MYH3: variants seen among roughly 807,000 people sequenced by gnomAD.
The protein encoded by MYH3 is myosin heavy chain 3, also known as myosin-3.
In MYH3, 130 loss-of-function variants were observed where a neutral mutation model predicts 238.0. The ratio of observed to expected loss-of-function variants is 0.55; its 90% CI spans 0.47 to 0.63. The LOEUF (loss-of-function observed/expected upper bound fraction) is 0.63, where lower values mean the gene tolerates loss of function less well. MYH3 is among the 30% of genes least tolerant of loss of function. The pLI is 0.00. For missense variants in MYH3, 1,853 were observed against 2,374.9 expected, an observed-to-expected ratio of 0.78 and a Z score of 4.57; for synonymous variants, 880 against 924.1, an observed-to-expected ratio of 0.95 and a Z score of 0.86.
chr17:10,640,623 A>G lies in MYH3; in HGVS notation c.2229T>C (p.Cys743=). 1.2e-6 allele frequency: 2 copies of G among 1,614,242 alleles called. No homozygotes were observed. The highest frequency in any genetic ancestry group is 8.5e-7 in the Non-Finnish European group (1 of 1,180,036). The change falls in exon 20 of 41, where the codon TGT becomes TGC. Residue 743 remains cysteine, a synonymous_variant. Transcript: ENST00000583535. ...TATCAATGGATGCCAGAAGCTTTTC[A>G]CAGGCTTTCTTGCTGTCAATGAATT... is the stretch of plus-strand genomic sequence containing the variant. The part of the protein sequence containing the change: ...EGQFIDSKKA[C]EKLLASIDID...
the MYH3 span, among the ~76,000 whole-genome samples, chr17:10,663,274 T>C: frequency 6.6e-6 from 1 of 152,092 alleles, no homozygotes; most frequent in African/African-American, 2.4e-5. Context: ...TTCCTCCAAA[T>C]GAACTGTATG....
At chr17:10,664,061 TTAAAA>T in the MYH3 span, among the ~76,000 whole-genome samples, 93 of 115,052 alleles carry the variant, frequency 8.1e-4, 3 homozygotes, top group Middle Eastern at 4.8e-3. Context: ...AGACTCCGTC[TTAAAA>T]AAAAAAAAAA....
chr17:10,654,750 C>T lies in MYH3; in HGVS notation c.204+111G>A. 1 of 1,005,550 alleles carries T rather than the reference C, an allele frequency of 9.9e-7. No homozygotes were observed. Among genetic ancestry groups the T allele is most frequent in the Non-Finnish European group, 1.6e-6 (1 of 625,874 alleles). The allele number at this position is 1,005,550 out of a possible 1,614,324, so 62.3% of individuals were successfully genotyped here. A position where few individuals can be genotyped will look rare whatever the true frequency, so the allele number is the denominator to read the frequency against. On this transcript the variant is annotated intron_variant, in intron 3 of 40. Coordinates refer to ENST00000583535, the MANE Select transcript of MYH3 (RefSeq NM_002470.4). This position sits in a 1 kb window ranked among gnomAD's most constrained non-coding sequence, Gnocchi z 4.5. ...CCCAGGCTACATTGTATGCGGCATT[C>T]CAGTGCTGGAACCACATCTGGAAGT... is the stretch of plus-strand genomic sequence containing the variant.
Position 10,628,938 on chromosome 17 carries a change from G to A in MYH3, c.5797-259C>T, listed in dbSNP as rs113330726. Among the ~76,000 whole-genome samples the A allele has an allele frequency of 0.013, 1,997 of 152,312 alleles. 13 individuals are homozygous for A. Among genetic ancestry groups the A allele is most frequent in the Non-Finnish European group, 0.02 (1,390 of 68,024 alleles). ...GCTGTGTGTTCAGCGGGCTCTGGAG[G>A]GGGCTCCTGCAGCAGCCTTTTGTTA... On this transcript the variant is annotated intron_variant, in intron 40 of 40. Transcript: ENST00000583535.
intron 8 of MYH3, among the ~76,000 whole-genome samples, chr17:10,647,719 A>T (rs1009995564): frequency 3.3e-5 from 5 of 151,974 alleles, no homozygotes; most frequent in African/African-American, 1.2e-4. Context: ...TAATTTCTGT[A>T]TTTTTAATAG....
chr17:10,642,517 C>T lies in MYH3; in HGVS notation c.1788G>A (p.Glu596=), dbSNP rs1396069774. The T allele has an allele frequency of 1.9e-5, 31 of 1,614,098 alleles. No homozygotes were observed. The highest frequency in any genetic ancestry group is 9.3e-5 in the African/African-American group (7 of 74,928). The change falls in exon 16 of 41, where the codon GAG becomes GAA. Residue 596 remains glutamate (E), a synonymous_variant. Transcript: ENST00000583535. This position sits in a 1 kb window ranked among gnomAD's most constrained non-coding sequence, Gnocchi z 5.4. The part of the protein sequence containing the change: ...TVDYSVSGWL[E]KNKDPLNETV... The stretch of plus-strand genomic sequence containing the variant: ...TCTCGTTCAGAGGGTCCTTGTTCTT[C>T]TCCAGCCAACCTGAGACACTGTAGT...
rs749192578 is a variant in MYH3, at chr17:10,634,178, A to G, written c.4361T>C (p.Leu1454Ser). 1 of 1,614,184 alleles carries G rather than the reference A, an allele frequency of 6.2e-7. No homozygotes were observed. The highest frequency in any genetic ancestry group is 8.5e-7 in the Non-Finnish European group (1 of 1,180,028). Residue 1454 changes from leucine to serine, a missense_variant, in exon 32 of 41, where the codon TTG becomes TCG. Around this residue, in one of 3 missense-constraint regions of MYH3, gnomAD observed 1,044 missense variants for 1,192.6 expected, o/e 0.88. Coordinates refer to ENST00000583535, the MANE Select transcript of MYH3 (RefSeq NM_002470.4). ...DKKQRNFDKV[L>S]AEWKTKCEES... Reference sequence around the variant, plus strand: ...CTCACACTTTGTCTTCCACTCTGCCAACACCTGAAACACCGGACGGAAGTT... The same window carrying G: ...CTCACACTTTGTCTTCCACTCTGCCGACACCTGAAACACCGGACGGAAGTT...
intron 2 of MYH3, among the ~76,000 whole-genome samples, chr17:10,655,857 G>A (rs2074424368): frequency 6.6e-6 from 1 of 152,074 alleles, no homozygotes; most frequent in Non-Finnish European, 1.5e-5. Flanking sequence ...TCACCATGTT[G>A]GTCAGGCTGG....
At position 10,630,367 on chromosome 17, in the gene MYH3, T is replaced by C; in HGVS notation, c.5378A>G (p.Asp1793Gly). The change falls in exon 37 of 41, where the codon GAC (aspartate) becomes GGC (glycine). Residue 1793 changes from aspartate (D) to glycine (G), a missense_variant. Asp to Gly is a moderately conservative substitution (Grantham distance 94). Coordinates refer to ENST00000583535, the MANE Select transcript of MYH3 (RefSeq NM_002470.4). ...GGCCTCATCTAGACGATGCTGCAGG[T>C]CCTTCACCGTCTGTTCCAGGTTCTT... ...MKKNLEQTVK[D>G]LQHRLDEAEQ... The C allele has an allele frequency of 6.2e-7, 1 of 1,614,184 alleles. No individual in the cohort carries two copies. The highest frequency in any genetic ancestry group is 8.5e-7 in the Non-Finnish European group (1 of 1,180,042).
At chr17:10,646,606 G>A (rs1008267019) in intron 10 of MYH3, among the ~76,000 whole-genome samples, 1 of 152,182 alleles carries the variant, frequency 6.6e-6, no homozygotes, top group Non-Finnish European at 1.5e-5. Flanking sequence ...ACACAAGGGG[G>A]CGCCAAAGGA....
chr17:10,658,084 A>G (rs1377609787), upstream of MYH3, among the ~76,000 whole-genome samples: 1 of 152,160 alleles, frequency 6.6e-6, no homozygotes, highest in Non-Finnish European at 1.5e-5. Context: ...CAATTAGGAA[A>G]GACCAGCTGC....
chr17:10,670,353 T>C, the MYH3 span, among the ~76,000 whole-genome samples: 1 of 152,240 alleles, frequency 6.6e-6, no homozygotes, highest in African/African-American at 2.4e-5. This position sits in a 1 kb window ranked among gnomAD's most constrained non-coding sequence, Gnocchi z 7.0. Context: ...TGCTGTATTG[T>C]AGGAAGCAAA....
chr17:10,676,941 G>C, the MYH3 span: 1 of 152,200 alleles, frequency 6.6e-6, no homozygotes, highest in African/African-American at 2.4e-5. Context: ...GCTATTACTT[G>C]AATCTTGTTA....
chr17:10,645,586 G>T, intron 12 of MYH3, 121 bp downstream of exon 12: 1 of 1,296,736 alleles, frequency 7.7e-7, no homozygotes, highest in Non-Finnish European at 1.1e-6. Flanking sequence ...GCCTCCCAAA[G>T]TGCTGGGATT....
At position 10,631,885 on chromosome 17, in the gene MYH3, C is replaced by G. The variant is rs111358355; in HGVS notation, c.5088G>C (p.Thr1696=). 1 of 1,614,160 alleles carries G rather than the reference C, an allele frequency of 6.2e-7. No individual in the cohort carries two copies. Among genetic ancestry groups the G allele is most frequent in the Admixed American group, 1.7e-5 (1 of 60,006 alleles). ...GTTCCGCCAGTTTCCGGGCCCTCTC[C>G]GTCTGCTCCAGAGTAGCCCGCAGCT... is the stretch of plus-strand genomic sequence containing the variant. ...VEELRATLEQ[T]ERARKLAEQE... The change falls in exon 35 of 41, where the codon ACG becomes ACC. Residue 1696 remains threonine (T), a synonymous_variant. Transcript: ENST00000583535.
intron 30 of MYH3, 81 bp from the exon 31 acceptor site, chr17:10,635,104 T>C (rs2074200530): frequency 6.9e-7 from 1 of 1,451,562 alleles, no homozygotes; most frequent in Non-Finnish European, 9.6e-7. Context: ...TTGGAATCAC[T>C]AATCTATGTG....
intron 8 of MYH3, 76 bp downstream of exon 8, chr17:10,648,481 C>T (rs1567560674): frequency 3.2e-6 from 4 of 1,231,854 alleles, no homozygotes; most frequent in Non-Finnish European, 4.8e-6. Context: ...CTGGTCTCTA[C>T]ACTCTTTGAG....
chr17:10,670,255 T>C, the MYH3 span, among the ~76,000 whole-genome samples: 1 of 152,184 alleles, frequency 6.6e-6, no homozygotes, highest in Non-Finnish European at 1.5e-5. The surrounding 1 kb of genome is among the most constrained non-coding windows in gnomAD (Gnocchi z 7.0). Context: ...AGGGAGATAC[T>C]ACTTTTACCC....
the MYH3 span, among the ~76,000 whole-genome samples, chr17:10,664,599 G>A: frequency 6.8e-6 from 1 of 147,780 alleles, no homozygotes; most frequent in Admixed American, 6.8e-5. Flanking sequence ...CAAGTAATGA[G>A]TTGACGGGGA....
Sources: allele counts gnomAD v4.1 joint callset (sites outside exome capture counted in the v4.1 genomes callset), GRCh38; gene constraint gnomAD v4.1.1; regional missense constraint gnomAD v4.1.1; non-coding constraint Gnocchi (gnomAD v3.1); transcripts MANE v1.5; gene names NCBI Gene and HGNC (gene_info 2026-07-23, HGNC 2026-07-21).